RALGAPB: variants seen among roughly 807,000 people sequenced by gnomAD.
RALGAPB encodes Ral GTPase activating protein non-catalytic subunit beta, also known as ral GTPase-activating protein subunit beta.
In RALGAPB, 25 loss-of-function variants were observed where a neutral mutation model predicts 161.1. That is an observed-to-expected ratio of 0.16 (90% CI 0.11 to 0.22). RALGAPB has a LOEUF of 0.22. Ranked by LOEUF, RALGAPB falls within the 10% of genes least tolerant of loss-of-function variation. The pLI is 1.00. For missense variants in RALGAPB, 1,391 were observed against 1,815.2 expected (o/e 0.77, Z 4.25); for synonymous variants, 629 against 626.1 (o/e 1.00, Z -0.07).
intron 3 of RALGAPB, among the ~76,000 whole-genome samples, chr20:38,494,121 C>T (rs543456493): frequency 2.6e-5 from 4 of 152,316 alleles, no homozygotes; most frequent in African/African-American, 9.6e-5. Context: ...ATGATACTTT[C>T]TGCATCACTC....
At chr20:38,544,369 A>G (rs983866799) in intron 18 of RALGAPB, among the ~76,000 whole-genome samples, 1 of 150,762 alleles carries the variant, frequency 6.6e-6, no homozygotes, top group African/African-American at 2.4e-5. Flanking sequence ...TTTAAATATT[A>G]CAAAGATTCA....
At chr20:38,485,984 T>TTG (rs1219452298) in intron 1 of RALGAPB, among the ~76,000 whole-genome samples, 2 of 149,662 alleles carry the variant, frequency 1.3e-5, no homozygotes, top group East Asian at 2.0e-4. Context: ...TTTTTTTTTT[T>TTG]TTGAGATGGA....
At chr20:38,542,881 A>G (rs1414758092) in intron 18 of RALGAPB, among the ~76,000 whole-genome samples, 1 of 152,178 alleles carries the variant, frequency 6.6e-6, no homozygotes, top group African/African-American at 2.4e-5. Flanking sequence ...AAAAAGTGTC[A>G]TAGAACTAAA....
chr20:38,530,258 A>G (rs532872767), intron 13 of RALGAPB, among the ~76,000 whole-genome samples: 3 of 152,346 alleles, frequency 2.0e-5, no homozygotes, highest in East Asian at 1.9e-4. Context: ...TAACAACAGG[A>G]GGAGGCTACA....
Position 38,508,581 on chromosome 20 carries a change from T to TA in RALGAPB, c.741-496_741-495insA, listed in dbSNP as rs2085839051. ...CTAATTATTTTAAATTATTTAAGTA[T>TA]CTTAAATAATTTAAAACACTCTTTT... On this transcript the variant is annotated intron_variant, in intron 5 of 29. Coordinates refer to ENST00000262879, the MANE Select transcript of RALGAPB (RefSeq NM_020336.4). 1.9e-4 allele frequency among the ~76,000 whole-genome samples: 29 copies of TA among 152,204 alleles called. No individual in the cohort carries two copies. In the South Asian group the frequency reaches 6.0e-3, roughly 32 times the overall value.
intron 16 of RALGAPB, 152 bp downstream of exon 16, chr20:38,535,359 A>T (rs2086773676): frequency 1.1e-6 from 1 of 952,362 alleles, no homozygotes; most frequent in Non-Finnish European, 1.5e-6. Context: ...TTAGCCTCCA[A>T]GTGATATTCT....
At chr20:38,553,130 TTCAGACTTACAGCCC>T (rs1429372103) in intron 21 of RALGAPB, among the ~76,000 whole-genome samples, 1 of 152,006 alleles carries the variant, frequency 6.6e-6, no homozygotes, top group Non-Finnish European at 1.5e-5. Context: ...GAGAGGGAAT[TTCAGACTTACAGCCC>T]TGGAAAGCAG....
intron 7 of RALGAPB, 113 bp downstream of exon 7, chr20:38,516,483 G>A (rs2086126417): frequency 1.9e-6 from 2 of 1,058,710 alleles, no homozygotes; most frequent in African/African-American, 1.6e-5. Flanking sequence ...CAGATTTGAT[G>A]ACAAATAACA....
At chr20:38,557,720 C>G (rs1340557875) in intron 22 of RALGAPB, among the ~76,000 whole-genome samples, 1 of 152,088 alleles carries the variant, frequency 6.6e-6, no homozygotes, top group Non-Finnish European at 1.5e-5. Flanking sequence ...TGGTTTATTT[C>G]TTTTTATTGC....
chr20:38,514,885 A>G (rs937607703), intron 6 of RALGAPB, among the ~76,000 whole-genome samples: 1 of 152,132 alleles, frequency 6.6e-6, no homozygotes, highest in Admixed American at 6.5e-5. Context: ...TTAGTTTTTC[A>G]TATCCTTTGT....
intron 26 of RALGAPB, among the ~76,000 whole-genome samples, chr20:38,567,559 T>A (rs960086816): frequency 6.6e-6 from 1 of 152,204 alleles, no homozygotes; most frequent in Non-Finnish European, 1.5e-5. Flanking sequence ...CATGTTTTTT[T>A]ATCTTTAATC....
chr20:38,565,219 C>A (rs2087949883), intron 24 of RALGAPB, 140 bp from the exon 25 acceptor site: 7 of 881,954 alleles, frequency 7.9e-6, no homozygotes, highest in Non-Finnish European at 1.1e-5. Context: ...ATATTTTATT[C>A]TTTCATACTA....
At chr20:38,523,834 A>G (rs141911924) in intron 10 of RALGAPB, among the ~76,000 whole-genome samples, 11 of 152,352 alleles carry the variant, frequency 7.2e-5, no homozygotes, top group African/African-American at 2.6e-4. Context: ...AAATGGTCAT[A>G]GAAATCAGGG....
At position 38,517,549 on chromosome 20, in the gene RALGAPB, G is replaced by T. The variant is rs2086166532; in HGVS notation, c.1095G>T (p.Val365=). ...CAGACAGTGCTCCCCCAACACCCGT[G>T]AATAGATTAAGTATGCCTCAAAGTG... ...PRSDSAPPTP[V]NRLSMPQSAA... The change falls in exon 8 of 30, where the codon GTG becomes GTT. Residue 365 remains valine (V), a synonymous_variant. Coordinates refer to ENST00000262879, the MANE Select transcript of RALGAPB (RefSeq NM_020336.4). 2 of 1,612,812 alleles carry T rather than the reference G, an allele frequency of 1.2e-6. No homozygotes were observed. The highest frequency in any genetic ancestry group is 1.7e-6 in the Non-Finnish European group (2 of 1,179,694).
intron 24 of RALGAPB, among the ~76,000 whole-genome samples, chr20:38,564,469 T>G (rs1354703353): frequency 6.6e-6 from 1 of 152,192 alleles, no homozygotes; most frequent in Non-Finnish European, 1.5e-5. Flanking sequence ...CGGTGAGAAA[T>G]TTTTAATTTT....
intron 1 of RALGAPB, among the ~76,000 whole-genome samples, chr20:38,476,374 A>G (rs1021078417): frequency 3.3e-5 from 5 of 152,204 alleles, no homozygotes; most frequent in East Asian, 1.9e-4. Flanking sequence ...ATGGAGTTTC[A>G]TTCTAACTTT....
chr20:38,497,332 A>T, intron 3 of RALGAPB, 21 bp from the exon 4 acceptor site: 2 of 1,609,958 alleles, frequency 1.2e-6, no homozygotes, highest in Non-Finnish European at 1.7e-6. Context: ...CTTGTCAGTG[A>T]TATCTGTCTG....
chr20:38,560,677 A>T (rs1436118685), intron 23 of RALGAPB, among the ~76,000 whole-genome samples: 1 of 152,164 alleles, frequency 6.6e-6, no homozygotes, highest in Non-Finnish European at 1.5e-5. Context: ...GTACAAGAAG[A>T]CACAAACCCT....
At chr20:38,521,935 A>T (rs1318693479) in intron 10 of RALGAPB, among the ~76,000 whole-genome samples, 2 of 152,216 alleles carry the variant, frequency 1.3e-5, no homozygotes, top group Non-Finnish European at 2.9e-5. Context: ...TCTTTTTAAT[A>T]TGGAGAGATT....
Sources: allele counts gnomAD v4.1 joint callset (sites outside exome capture counted in the v4.1 genomes callset), GRCh38; gene constraint gnomAD v4.1.1; transcripts MANE v1.5; gene names NCBI Gene and HGNC (gene_info 2026-07-23, HGNC 2026-07-21).